Variants in CDH23 observed in about 807,000 individuals in gnomAD.
CDH23 encodes the protein cadherin-23.
In CDH23, 189 loss-of-function variants were observed where a neutral mutation model predicts 317.1. That is an observed-to-expected ratio of 0.60 (90% CI 0.53 to 0.67). The LOEUF is 0.67. Ranked by LOEUF, CDH23 falls within the 30% of genes least tolerant of loss-of-function variation. The probability of loss-of-function intolerance (pLI) is 0.00; values close to 1 mark genes in which losing one functional copy is unlikely to be tolerated. For missense variants in CDH23, 4,401 were observed against 4,592.4 expected (o/e 0.96, Z 1.20); for synonymous variants, 1,839 against 1,876.8 (o/e 0.98, Z 0.52).
At chr10:71,527,826 C>A (rs556734164) in intron 6 of CDH23, among the ~76,000 whole-genome samples, 1 of 152,208 alleles carries the variant, frequency 6.6e-6, no homozygotes, top group African/African-American at 2.4e-5. Flanking sequence ...CAGGACTTGC[C>A]TGCTGCAGGG....
At chr10:71,614,563 C>A (rs78605432) in intron 9 of CDH23, among the ~76,000 whole-genome samples, 1 of 152,090 alleles carries the variant, frequency 6.6e-6, no homozygotes, top group Non-Finnish European at 1.5e-5. Context: ...TTCAGAGGGC[C>A]GGGAAGGGAG....
At chr10:71,587,479 G>A (rs1465338442) in intron 9 of CDH23, among the ~76,000 whole-genome samples, 1 of 152,224 alleles carries the variant, frequency 6.6e-6, no homozygotes, top group Non-Finnish European at 1.5e-5. Context: ...TCACATGTTA[G>A]TGGAGAAAAG....
intron 3 of CDH23, among the ~76,000 whole-genome samples, chr10:71,490,369 T>C (rs1046273176): frequency 3.3e-5 from 5 of 152,232 alleles, no homozygotes; most frequent in Non-Finnish European, 7.3e-5. Context: ...GATTTTTTTC[T>C]ATTTATCTTA....
intron 46 of CDH23, 92 bp from the exon 47 acceptor site, chr10:71,791,040 C>A: frequency 1.0e-6 from 1 of 999,092 alleles, no homozygotes; most frequent in Non-Finnish European, 1.5e-6. Flanking sequence ...GTGCCCCTGT[C>A]TTTCTCTGCT....
Position 71,806,198 on chromosome 10 carries a change from C to A in CDH23, c.8095C>A (p.Pro2699Thr). ...CTTGGTGGCCAGCGACCTGGGCCAGCCAGTGCCATACGAGACTATGCAGCC... is the reference window on the plus strand; with the variant it reads ...CTTGGTGGCCAGCGACCTGGGCCAGACAGTGCCATACGAGACTATGCAGCC... Reference protein sequence around the residue: ...LILVASDLGQPVPYETMQPLQ... With the variant: ...LILVASDLGQTVPYETMQPLQ... Residue 2699 changes from proline (P) to threonine (T), a missense_variant, in exon 57 of 70, where the codon CCA becomes ACA. Physicochemically the swap from Pro to Thr is conservative, Grantham distance 38. This residue lies in a region of CDH23 where 1,144 missense variants were observed against 1,138.2 expected (regional missense o/e 1.01). Transcript: ENST00000224721. 1.9e-6 allele frequency: 3 copies of A among 1,575,596 alleles called. No individual in the cohort carries two copies. The highest frequency in any genetic ancestry group is 1.7e-6 in the Non-Finnish European group (2 of 1,160,832).
At chr10:71,510,323 AC>A (rs1853895136) in intron 4 of CDH23, 99 bp downstream of exon 4, 6 of 1,360,222 alleles carry the variant, frequency 4.4e-6, no homozygotes, top group Non-Finnish European at 6.1e-6. Flanking sequence ...TTCCTCTAAG[AC>A]CCCATTCTGA....
At chr10:71,633,431 A>G (rs1862113914) in intron 11 of CDH23, among the ~76,000 whole-genome samples, 2 of 152,076 alleles carry the variant, frequency 1.3e-5, no homozygotes, top group African/African-American at 2.4e-5. Context: ...CCACGCCCCA[A>G]AGATAGGGAA....
chr10:71,405,432 CTTTTTT>C (rs397824446), intron 1 of CDH23, among the ~76,000 whole-genome samples: 2 of 130,670 alleles, frequency 1.5e-5, no homozygotes. Context: ...GGTAGACTAT[CTTTTTT>C]TTTTTTTTTT....
At chr10:71,539,564 C>T (rs889986073) in intron 6 of CDH23, among the ~76,000 whole-genome samples, 1 of 152,014 alleles carries the variant, frequency 6.6e-6, no homozygotes, top group Admixed American at 6.5e-5. Context: ...CCTTTTATCT[C>T]CCATTTCAAA....
intron 32 of CDH23, chr10:71,732,629 T>C (rs1384464121): frequency 7.1e-7 from 1 of 1,401,488 alleles, no homozygotes; most frequent in Non-Finnish European, 9.3e-7. Context: ...TGAGACCTTG[T>C]CTCTTACAAA....
intron 34 of CDH23, chr10:71,737,614 C>A: frequency 2.2e-6 from 1 of 455,092 alleles, no homozygotes; most frequent in South Asian, 1.6e-5. Context: ...TGCAGGGAAG[C>A]AGAGAATGGG....
chr10:71,684,586 A>G (rs1380187436), intron 18 of CDH23, among the ~76,000 whole-genome samples: 1 of 152,236 alleles, frequency 6.6e-6, no homozygotes, highest in Non-Finnish European at 1.5e-5. Flanking sequence ...AAATGGTGGT[A>G]ATCGTGATAC....
chr10:71,784,371 A>G lies in CDH23; in HGVS notation c.5453A>G (p.Asn1818Ser), dbSNP rs1330611054. The change falls in exon 42 of 70, where the codon AAC (asparagine) becomes AGC (serine). Residue 1818 changes from asparagine (N) to serine (S), a missense_variant. This residue lies in a region of CDH23 where 3,068 missense variants were observed against 3,203.3 expected (regional missense o/e 0.96). Coordinates refer to ENST00000224721, the MANE Select transcript of CDH23 (RefSeq NM_022124.6). ...GACCGGGAGACCATCGCCTTCTACAACCTGACCATCTGTGCCCGTGACCGG... is the reference window on the plus strand; with the variant it reads ...GACCGGGAGACCATCGCCTTCTACAGCCTGACCATCTGTGCCCGTGACCGG... ...ELDRETIAFY[N>S]LTICARDRGM... The G allele has an allele frequency of 2.5e-6, 4 of 1,613,696 alleles. No individual in the cohort carries two copies. Among genetic ancestry groups the G allele is most frequent in the Admixed American group, 1.7e-5 (1 of 59,986 alleles).
intron 14 of CDH23, chr10:71,647,691 T>C (rs967083931): frequency 3.3e-5 from 5 of 152,190 alleles, no homozygotes; most frequent in African/African-American, 7.2e-5. Flanking sequence ...CTGGAACCAA[T>C]TGTGATTCTG....
chr10:71,608,518 G>A (rs1050899145), intron 9 of CDH23, among the ~76,000 whole-genome samples: 1 of 152,166 alleles, frequency 6.6e-6, no homozygotes, highest in Non-Finnish European at 1.5e-5. Flanking sequence ...ACAGGACTAG[G>A]CCCCAAGTAT....
At chr10:71,459,139 ACG>A (rs1850850937) in intron 3 of CDH23, among the ~76,000 whole-genome samples, 2 of 136,256 alleles carry the variant, frequency 1.5e-5, no homozygotes, top group South Asian at 2.4e-4. Context: ...CGAGGCTGGC[ACG>A]CAGTGGCAAG....
At chr10:71,733,953 G>C (rs984207014) in intron 32 of CDH23, among the ~76,000 whole-genome samples, 1 of 152,214 alleles carries the variant, frequency 6.6e-6, no homozygotes, top group Non-Finnish European at 1.5e-5. Context: ...ACTAATCCAG[G>C]ATGCAAATCA....
At chr10:71,484,288 C>A (rs990472788) in intron 3 of CDH23, among the ~76,000 whole-genome samples, 2 of 152,226 alleles carry the variant, frequency 1.3e-5, no homozygotes, top group Admixed American at 6.5e-5. Flanking sequence ...CGCAGATAAG[C>A]AGACAGGGCC....
chr10:71,615,745 A>G lies in CDH23; in HGVS notation c.945+129A>G, dbSNP rs908596134. The G allele has an allele frequency of 4.5e-6, 3 of 659,362 alleles. No homozygotes were observed. In the Admixed American group the frequency reaches 7.2e-5, roughly 16 times the overall value. The allele number at this position is 659,362 out of a possible 1,614,324, so 40.8% of individuals were successfully genotyped here. A position where few individuals can be genotyped will look rare whatever the true frequency, so the allele number is the denominator to read the frequency against. On this transcript the variant is annotated intron_variant, in intron 10 of 69. Coordinates refer to ENST00000224721, the MANE Select transcript of CDH23 (RefSeq NM_022124.6). ...GGAAGCACTTCGCTTCCGTGCTCTCACCCTGCACTGCCTCCCGGGGCTGTG... is the reference window on the plus strand; with the variant it reads ...GGAAGCACTTCGCTTCCGTGCTCTCGCCCTGCACTGCCTCCCGGGGCTGTG...
Sources: gnomAD v4.1 joint callset for allele counts (sites outside exome capture counted in the v4.1 genomes callset) on GRCh38, gnomAD v4.1.1 for gene constraint, gnomAD v4.1.1 regional missense constraint, MANE v1.5 for transcripts, NCBI Gene and HGNC (gene_info 2026-07-23, HGNC 2026-07-21) for gene names.